The following RERE variants were observed in gnomAD, a reference collection of about 807,000 sequenced individuals.
RERE encodes the protein arginine-glutamic acid dipeptide repeats protein.
RERE carries 40 observed loss-of-function variants against 146.1 expected under a neutral mutation model. That is an observed-to-expected ratio of 0.27 (90% CI 0.21 to 0.36). RERE has a LOEUF of 0.36. Among genes scored for constraint, RERE ranks in the 10% least tolerant of loss-of-function variants. RERE has a pLI of 1.00. For synonymous variants in RERE, 1,003 were observed against 866.0 expected (o/e 1.16, Z -2.78); for missense variants, 1,933 against 2,138.7 (o/e 0.90, Z 1.90).
chr1:8,512,112 C>T (rs544935179), intron 7 of RERE, among the ~76,000 whole-genome samples: 386 of 138,298 alleles, frequency 2.8e-3, no homozygotes, highest in Non-Finnish European at 4.7e-3. Flanking sequence ...CGGCTCACTG[C>T]AAGCTCCGCT....
At chr1:8,534,520 C>G (rs1307161324) in intron 7 of RERE, among the ~76,000 whole-genome samples, 1 of 152,110 alleles carries the variant, frequency 6.6e-6, no homozygotes, top group East Asian at 1.9e-4. Flanking sequence ...CTCAGAAGGT[C>G]AGAGAGCAGC....
chr1:8,777,953 A>G (rs932619611), intron 1 of RERE, among the ~76,000 whole-genome samples: 1 of 152,238 alleles, frequency 6.6e-6, no homozygotes, highest in African/African-American at 2.4e-5. Flanking sequence ...TGTATTACTA[A>G]TAGTGATACC....
At chr1:8,632,645 TCA>T (rs1399080368) in intron 2 of RERE, among the ~76,000 whole-genome samples, 2 of 152,358 alleles carry the variant, frequency 1.3e-5, no homozygotes, top group African/African-American at 2.4e-5. Context: ...TCTGCAGTTC[TCA>T]GTTTTGTAAA....
intron 1 of RERE, among the ~76,000 whole-genome samples, chr1:8,718,745 A>C (rs2124469908): frequency 6.6e-6 from 1 of 152,350 alleles, no homozygotes; most frequent in South Asian, 2.1e-4. Flanking sequence ...GGTTCTCCTA[A>C]TCTAAGATTT....
At chr1:8,358,025 C>T (rs955087996) in intron 20 of RERE, among the ~76,000 whole-genome samples, 171 bp downstream of exon 20, 5 of 152,326 alleles carry the variant, frequency 3.3e-5, no homozygotes, top group South Asian at 2.1e-4. Context: ...GGAGAGACTG[C>T]GATACAGCAA....
chr1:8,505,771 T>G (rs1645241690), intron 8 of RERE, among the ~76,000 whole-genome samples: 1 of 152,206 alleles, frequency 6.6e-6, no homozygotes, highest in Admixed American at 6.5e-5. Context: ...GCTGAAATGA[T>G]CTACCCACCT....
intron 3 of RERE, among the ~76,000 whole-genome samples, chr1:8,616,231 T>C (rs542825618): frequency 6.6e-6 from 1 of 152,352 alleles, no homozygotes; most frequent in Non-Finnish European, 1.5e-5. Flanking sequence ...CCAGACACTT[T>C]GGCATTATTT....
intron 1 of RERE, among the ~76,000 whole-genome samples, chr1:8,754,125 G>A (rs921906452): frequency 2.6e-5 from 4 of 152,030 alleles, no homozygotes; most frequent in African/African-American, 7.3e-5. Context: ...TCTTGTAAAG[G>A]TTGAAATCCC....
At chr1:8,566,562 T>C (rs2124443096) in intron 4 of RERE, among the ~76,000 whole-genome samples, 1 of 151,974 alleles carries the variant, frequency 6.6e-6, no homozygotes, top group Admixed American at 6.5e-5. Flanking sequence ...GAAGTTGCAG[T>C]GAACTGAGAT....
At chr1:8,445,738 A>C (rs940297610) in intron 11 of RERE, among the ~76,000 whole-genome samples, 10 of 151,704 alleles carry the variant, frequency 6.6e-5, no homozygotes, top group Non-Finnish European at 1.3e-4. Context: ...TTTGTTACAT[A>C]GTTTACACGT....
In RERE at chr1:8,354,689, CGTG is replaced by C. The variant is rs1268048818; in HGVS notation, c.*395_*397del. On this transcript the variant is annotated 3_prime_UTR_variant, in exon 23 of 23. Coordinates refer to ENST00000400908, the MANE Select transcript of RERE (RefSeq NM_001042681.2). ...TCCTATGCCCCCGATCTGCAAGCCT[CGTG>C]GGCTCTGGAGCACTCGTGGCGGAGT... 5.6e-6 allele frequency: 1 copy of C among 179,502 alleles called. No individual in the cohort carries two copies. Among genetic ancestry groups the C allele is most frequent in the Non-Finnish European group, 1.2e-5 (1 of 86,634 alleles). The allele number at this position is 179,502 out of a possible 1,614,324, so 11.1% of individuals were successfully genotyped here.
chr1:8,661,394 C>T (rs1166586488), intron 1 of RERE, among the ~76,000 whole-genome samples: 1 of 152,092 alleles, frequency 6.6e-6, no homozygotes, highest in South Asian at 2.1e-4. Flanking sequence ...AGGACTCTGG[C>T]TTTTACTCAA....
intron 1 of RERE, among the ~76,000 whole-genome samples, chr1:8,719,963 C>T (rs560970018): frequency 2.6e-4 from 40 of 152,224 alleles, no homozygotes; most frequent in Admixed American, 6.5e-4. Flanking sequence ...CCAAATCTTC[C>T]TGAATAATTT....
At position 8,674,358 on chromosome 1, in the gene RERE, A is replaced by C. The variant is rs116882330; in HGVS notation, c.-144-17917T>G. Among the ~76,000 whole-genome samples the C allele has an allele frequency of 1.8e-3, 279 of 152,316 alleles. 4 individuals are homozygous for C. The East Asian group carries it at 0.049, about 27-fold the overall frequency. On this transcript the variant is annotated intron_variant, in intron 1 of 22. Transcript: ENST00000400908. The stretch of plus-strand genomic sequence containing the variant: ...ACATACTTCTTTTTCAGGATTAAAA[A>C]AACAAAAAAACAGCTACGTCTTCAG...
chr1:8,692,293 A>G (rs1259658194), intron 1 of RERE, among the ~76,000 whole-genome samples: 1 of 152,116 alleles, frequency 6.6e-6, no homozygotes, highest in Non-Finnish European at 1.5e-5. Flanking sequence ...AGACACTCGT[A>G]TATAAAACGG....
chr1:8,698,469 AT>A (rs1639380559), intron 1 of RERE, among the ~76,000 whole-genome samples: 1 of 152,116 alleles, frequency 6.6e-6, no homozygotes. Flanking sequence ...GACTTAAGCG[AT>A]TTTTCAAATG....
chr1:8,530,952 AAGT>A (rs1645639217), intron 7 of RERE, among the ~76,000 whole-genome samples: 1 of 151,652 alleles, frequency 6.6e-6, no homozygotes, highest in Non-Finnish European at 1.5e-5. Flanking sequence ...CGGCCTCCCA[AAGT>A]GCTGGGATTA....
At chr1:8,782,562 G>C (rs186480564) in intron 1 of RERE, among the ~76,000 whole-genome samples, 311 of 152,072 alleles carry the variant, frequency 2.0e-3, no homozygotes, top group Non-Finnish European at 3.5e-3. Flanking sequence ...CTGTCTACTT[G>C]GCATCTCCAC....
At chr1:8,704,247 C>CTTTAA (rs1424697713) in intron 1 of RERE, among the ~76,000 whole-genome samples, 5 of 152,162 alleles carry the variant, frequency 3.3e-5, no homozygotes, top group African/African-American at 1.2e-4. Flanking sequence ...AATTAAAGTA[C>CTTTAA]ATTTAAAGCA....
Sources: gnomAD v4.1 joint callset for allele counts (sites outside exome capture counted in the v4.1 genomes callset) on GRCh38, gnomAD v4.1.1 for gene constraint, MANE v1.5 for transcripts, NCBI Gene and HGNC (gene_info 2026-07-23, HGNC 2026-07-21) for gene names.